The following PDCD6IP variants were observed in gnomAD, a reference collection of about 807,000 sequenced individuals.
PDCD6IP encodes programmed cell death 6-interacting protein.
In PDCD6IP, 43 loss-of-function variants were observed where a neutral mutation model predicts 103.7. The ratio of observed to expected loss-of-function variants is 0.41; its 90% confidence interval spans 0.32 to 0.53. The LOEUF (loss-of-function observed/expected upper bound fraction) is 0.53, where lower values mean the gene tolerates loss of function less well. PDCD6IP is among the 20% of genes least tolerant of loss of function. The pLI, the probability that PDCD6IP is intolerant of heterozygous loss-of-function variation, is 0.16. For missense variants in PDCD6IP, 871 were observed against 1,036.7 expected, an observed-to-expected ratio of 0.84 and a Z score of 2.20; for synonymous variants, 354 against 378.7, an observed-to-expected ratio of 0.93 and a Z score of 0.76.
chr3:33,830,994 A>G (rs1402630153), intron 7 of PDCD6IP, among the ~76,000 whole-genome samples: 1 of 152,160 alleles, frequency 6.6e-6, no homozygotes, highest in African/African-American at 2.4e-5. Context: ...CAAACCAGAA[A>G]TGAAAATAAA....
intron 15 of PDCD6IP, among the ~76,000 whole-genome samples, chr3:33,863,055 TG>T (rs1259330963): frequency 6.6e-6 from 1 of 152,182 alleles, no homozygotes; most frequent in East Asian, 1.9e-4. Flanking sequence ...TAGTATATTT[TG>T]TTTTTTTCAG....
chr3:33,799,607 CAA>C (rs1553704071), intron 1 of PDCD6IP: 3 of 147,840 alleles, frequency 2.0e-5, no homozygotes, highest in Non-Finnish European at 3.0e-5. Context: ...GTTATTTTAG[CAA>C]ACGCTTATTT....
chr3:33,826,436 T>A (rs775407916), intron 5 of PDCD6IP, 44 bp from the exon 6 acceptor site: 35 of 1,326,538 alleles, frequency 2.6e-5, no homozygotes, highest in Non-Finnish European at 3.6e-5. Flanking sequence ...CATGTCAGAT[T>A]AGCTCATATT....
chr3:33,857,256 C>T (rs867444443), intron 15 of PDCD6IP, among the ~76,000 whole-genome samples: 1 of 152,108 alleles, frequency 6.6e-6, no homozygotes, highest in African/African-American at 2.4e-5. Flanking sequence ...TCTTGGCTCA[C>T]TGCAACCTCT....
intron 5 of PDCD6IP, among the ~76,000 whole-genome samples, chr3:33,825,893 G>C (rs928338185): frequency 1.3e-5 from 2 of 152,136 alleles, no homozygotes; most frequent in African/African-American, 4.8e-5. Flanking sequence ...AGTCAAGAAG[G>C]CTTTCTTTCA....
chr3:33,845,335 A>T, intron 11 of PDCD6IP, 84 bp from the exon 12 acceptor site: 1 of 947,602 alleles, frequency 1.1e-6, no homozygotes, highest in Non-Finnish European at 1.6e-6. Context: ...GTAAAGTTGG[A>T]GACTAGAACT....
rs973861008 is a variant in PDCD6IP at position 33,812,763 on chromosome 3, G to A, written c.264+637G>A. On this transcript the variant is annotated intron_variant, in intron 2 of 17. Transcript: ENST00000307296. ...TGAGATTTCCTTTAATATATTCCTG[G>A]AAAAAAAGTGTAGGTGGCTGGAGGC... Among the ~76,000 whole-genome samples the A allele has an allele frequency of 2.6e-5, 4 of 152,114 alleles. No homozygotes were observed. In the South Asian group the frequency reaches 8.3e-4, roughly 32 times the overall value.
At chr3:33,817,011 T>C (rs956777559) in intron 3 of PDCD6IP, among the ~76,000 whole-genome samples, 8 of 152,194 alleles carry the variant, frequency 5.3e-5, no homozygotes, top group African/African-American at 1.7e-4. Context: ...CCTTCAGTAA[T>C]GTCTTGGTTA....
chr3:33,799,167 G>A (rs972758800), intron 1 of PDCD6IP: 95 of 568,104 alleles, frequency 1.7e-4, no homozygotes, highest in Non-Finnish European at 2.8e-4. Flanking sequence ...GCCCTTGGTC[G>A]GCGAGGGCTC....
chr3:33,838,109 ACT>A, intron 8 of PDCD6IP, 93 bp from the exon 9 acceptor site: 1 of 1,038,438 alleles, frequency 9.6e-7, no homozygotes, highest in Non-Finnish European at 1.4e-6. Flanking sequence ...ATATTTATAG[ACT>A]ATGTGAATAT....
intron 15 of PDCD6IP, among the ~76,000 whole-genome samples, chr3:33,859,733 A>G (rs1459751822): frequency 1.3e-5 from 2 of 152,212 alleles, no homozygotes; most frequent in East Asian, 1.9e-4. Flanking sequence ...AGAATACCCA[A>G]TGGTGCAATC....
chr3:33,804,668 A>T (rs1696551915), intron 1 of PDCD6IP, among the ~76,000 whole-genome samples: 1 of 152,266 alleles, frequency 6.6e-6, no homozygotes, highest in Non-Finnish European at 1.5e-5. Context: ...ATCTGTAAGA[A>T]GAATCTTCTG....
Position 33,865,261 on chromosome 3 carries a change from C to G in PDCD6IP, c.2263C>G (p.Pro755Ala). The stretch of plus-strand genomic sequence containing the variant: ...CTTATAGCCTACTAAGCCCCAGCCC[C>G]CAGCCAGGCCTCCACCACCTGTGCT... ...RTMPPTKPQP[P>A]ARPPPPVLPA... The change falls in exon 17 of 18, where the codon CCA (proline) becomes GCA (alanine). Residue 755 changes from proline to alanine, a missense_variant. By Grantham distance (27) the Pro-to-Ala change is conservative. Around this residue, in one of 5 missense-constraint regions of PDCD6IP, gnomAD observed 202 missense variants for 205.2 expected, o/e 0.98. Coordinates refer to ENST00000307296, the MANE Select transcript of PDCD6IP (RefSeq NM_013374.6). 1.9e-6 allele frequency: 3 copies of G among 1,558,574 alleles called. No individual in the cohort carries two copies. The highest frequency in any genetic ancestry group is 2.6e-6 in the Non-Finnish European group (3 of 1,158,254).
chr3:33,810,630 C>G (rs1007305476), intron 1 of PDCD6IP, among the ~76,000 whole-genome samples: 6 of 152,184 alleles, frequency 3.9e-5, no homozygotes. Flanking sequence ...TTATTTCTCT[C>G]TGCTACCTTT....
At chr3:33,837,498 G>A (rs1198772443) in intron 8 of PDCD6IP, among the ~76,000 whole-genome samples, 2 of 152,170 alleles carry the variant, frequency 1.3e-5, no homozygotes, top group East Asian at 3.9e-4. Flanking sequence ...GGATACTGAT[G>A]CACAGAGTGG....
chr3:33,818,350 C>T (rs1355448501), intron 3 of PDCD6IP, among the ~76,000 whole-genome samples: 2 of 151,076 alleles, frequency 1.3e-5, no homozygotes, highest in East Asian at 1.9e-4. Context: ...TCAAGAGCTC[C>T]GCCCACCTTG....
intron 3 of PDCD6IP, among the ~76,000 whole-genome samples, chr3:33,818,898 T>G (rs1696924401): frequency 6.6e-6 from 1 of 152,106 alleles, no homozygotes; most frequent in African/African-American, 2.4e-5. Context: ...TTCTTTGCTC[T>G]TGGGAATATT....
intron 9 of PDCD6IP, 49 bp from the exon 10 acceptor site, chr3:33,841,848 A>G (rs188419171): frequency 8.6e-7 from 1 of 1,163,556 alleles, no homozygotes; most frequent in East Asian, 2.4e-5. Context: ...ATTGATGAGG[A>G]GTTAAATTGT....
At chr3:33,859,160 C>G (rs1451745858) in intron 15 of PDCD6IP, among the ~76,000 whole-genome samples, 2 of 152,022 alleles carry the variant, frequency 1.3e-5, no homozygotes, top group Non-Finnish European at 2.9e-5. Context: ...CTTCAGCCAA[C>G]CAGAAGAGGT....
Sources: gnomAD v4.1 joint callset for allele counts (sites outside exome capture counted in the v4.1 genomes callset) on GRCh38, gnomAD v4.1.1 for gene constraint, gnomAD v4.1.1 regional missense constraint, MANE v1.5 for transcripts, NCBI Gene and HGNC (gene_info 2026-07-23, HGNC 2026-07-21) for gene names.